Variants in SRD5A2 observed in about 807,000 individuals in gnomAD.
SRD5A2 encodes the protein 3-oxo-5-alpha-steroid 4-dehydrogenase 2.
A neutral mutation model predicts 27.4 loss-of-function variants in SRD5A2; 30 were observed. That is an observed-to-expected ratio of 1.10 (90% CI 0.82 to 1.49). The LOEUF (loss-of-function observed/expected upper bound fraction) is 1.49, where lower values mean the gene tolerates loss of function less well. SRD5A2 is among the 40% of genes most tolerant of loss of function. The pLI is 0.00. For missense variants in SRD5A2, 348 were observed against 323.4 expected, an observed-to-expected ratio of 1.08 and a Z score of -0.58; for synonymous variants, 141 against 133.6, an observed-to-expected ratio of 1.06 and a Z score of -0.38.
chr2:31,590,621 A>G, the SRD5A2 span, among the ~76,000 whole-genome samples: 1 of 152,314 alleles, frequency 6.6e-6, no homozygotes, highest in South Asian at 2.1e-4. Context: ...CTCATTGCCA[A>G]GTCAATCCTA....
intron 1 of SRD5A2, among the ~76,000 whole-genome samples, chr2:31,558,139 C>T (rs111566637): frequency 6.6e-6 from 1 of 152,114 alleles, no homozygotes; most frequent in Non-Finnish European, 1.5e-5. Flanking sequence ...GAATCTGAAC[C>T]CCTACTTGGC....
the SRD5A2 span, among the ~76,000 whole-genome samples, chr2:31,620,078 C>T: frequency 6.6e-6 from 1 of 151,878 alleles, no homozygotes; most frequent in Non-Finnish European, 1.5e-5. Context: ...TTGGGTTTTT[C>T]ATTTAAGTCT....
At chr2:31,527,329 G>A (rs941053541) in intron 4 of SRD5A2, among the ~76,000 whole-genome samples, 3 of 152,138 alleles carry the variant, frequency 2.0e-5, no homozygotes, top group African/African-American at 7.2e-5. Flanking sequence ...GAATTAGGGG[G>A]CAAATAATAA....
chr2:31,644,443 A>G, the SRD5A2 span, among the ~76,000 whole-genome samples: 2 of 152,150 alleles, frequency 1.3e-5, no homozygotes, highest in Non-Finnish European at 2.9e-5. Flanking sequence ...CATGGAAGAC[A>G]ATTTTTTGGG....
chr2:31,590,551 A>G, the SRD5A2 span, among the ~76,000 whole-genome samples: 3 of 152,150 alleles, frequency 2.0e-5, no homozygotes, highest in Non-Finnish European at 1.5e-5. Context: ...GCTACCAATG[A>G]CTTTCTTCAC....
At chr2:31,533,536 T>A in intron 2 of SRD5A2, 67 bp downstream of exon 2, 1 of 1,451,974 alleles carries the variant, frequency 6.9e-7, no homozygotes, top group Admixed American at 2.0e-5. Context: ...GGAGAGGCCA[T>A]GGCGATGTAG....
chr2:31,635,584 C>T, the SRD5A2 span, among the ~76,000 whole-genome samples: 2 of 152,112 alleles, frequency 1.3e-5, no homozygotes, highest in Admixed American at 1.3e-4. Context: ...GTCTCTTTTA[C>T]TTCAGTTGCC....
In SRD5A2 at chr2:31,546,079, A is replaced by G. The variant is rs1270973581; in HGVS notation, c.282-12313T>C. 2.0e-5 allele frequency among the ~76,000 whole-genome samples: 3 copies of G among 152,200 alleles called. No individual in the cohort carries two copies. In the East Asian group the frequency reaches 5.8e-4, roughly 29 times the overall value. On this transcript the variant is annotated intron_variant, in intron 1 of 4. Coordinates refer to ENST00000622030, the MANE Select transcript of SRD5A2 (RefSeq NM_000348.4). ...AAAGAAGAATATAAAAATGGAAAAC[A>G]TTCCATGTTCATGGACTGGAAGACA...
chr2:31,650,143 G>A, the SRD5A2 span, among the ~76,000 whole-genome samples: 2 of 152,078 alleles, frequency 1.3e-5, no homozygotes, highest in Non-Finnish European at 2.9e-5. Context: ...ACTATTTTCT[G>A]AGGTACAGCT....
chr2:31,541,345 A>AC (rs1419819674), intron 1 of SRD5A2, among the ~76,000 whole-genome samples: 1 of 151,978 alleles, frequency 6.6e-6, no homozygotes, highest in Non-Finnish European at 1.5e-5. Flanking sequence ...ACTTTCAACA[A>AC]AAAAAAACAC....
the SRD5A2 span, among the ~76,000 whole-genome samples, chr2:31,588,729 AG>A: frequency 6.6e-6 from 1 of 152,240 alleles, no homozygotes; most frequent in African/African-American, 2.4e-5. Context: ...GGTAATAGTA[AG>A]TACACAGAAA....
intron 1 of SRD5A2, among the ~76,000 whole-genome samples, chr2:31,539,713 C>A (rs1356622847): frequency 2.6e-5 from 4 of 152,132 alleles, no homozygotes; most frequent in Admixed American, 2.6e-4. Context: ...TTCCCAGTGA[C>A]AACAAGGCCA....
intron 1 of SRD5A2, among the ~76,000 whole-genome samples, chr2:31,538,097 G>C (rs1316009815): frequency 1.3e-5 from 2 of 152,164 alleles, no homozygotes; most frequent in Admixed American, 6.5e-5. Flanking sequence ...TCTCCAGACA[G>C]GATATCTGCA....
chr2:31,623,851 T>C, the SRD5A2 span, among the ~76,000 whole-genome samples: 2 of 152,128 alleles, frequency 1.3e-5, no homozygotes, highest in Admixed American at 1.3e-4. Context: ...TCTGCATCAA[T>C]TGAGATAATC....
chr2:31,610,284 G>A, the SRD5A2 span, among the ~76,000 whole-genome samples: 1 of 152,020 alleles, frequency 6.6e-6, no homozygotes, highest in Non-Finnish European at 1.5e-5. Context: ...CCAAAAAAAA[G>A]CTAGCAAACT....
the SRD5A2 span, among the ~76,000 whole-genome samples, chr2:31,655,264 A>G: frequency 6.6e-6 from 1 of 151,784 alleles, no homozygotes; most frequent in African/African-American, 2.4e-5. Context: ...ACCACGACTG[A>G]CTAATTTTTG....
the SRD5A2 span, chr2:31,651,689 C>G: frequency 9.2e-4 from 145 of 157,566 alleles, no homozygotes; most frequent in East Asian, 8.3e-3. Context: ...ACCACCTCAA[C>G]ATCTGCAGCA....
chr2:31,636,830 T>C, the SRD5A2 span, among the ~76,000 whole-genome samples: 1 of 152,152 alleles, frequency 6.6e-6, no homozygotes, highest in Non-Finnish European at 1.5e-5. Flanking sequence ...TCCTATTTGA[T>C]CACGGTAAAT....
intron 1 of SRD5A2, among the ~76,000 whole-genome samples, chr2:31,568,514 A>T (rs1051424247): frequency 6.6e-6 from 1 of 152,140 alleles, no homozygotes; most frequent in African/African-American, 2.4e-5. Context: ...TTATAGCCTC[A>T]GAAGGAAGGG....
Sources: allele counts gnomAD v4.1 joint callset (sites outside exome capture counted in the v4.1 genomes callset), GRCh38; gene constraint gnomAD v4.1.1; transcripts MANE v1.5; gene names NCBI Gene and HGNC (gene_info 2026-07-23, HGNC 2026-07-21).